Variants in ZNF704 observed in about 807,000 individuals in gnomAD.
The protein encoded by ZNF704 is zinc finger protein 704, also known as glucocorticoid induced gene 1.
Under a neutral mutation model 44.7 loss-of-function variants are expected in ZNF704, and 10 were observed. That is an observed-to-expected ratio of 0.22 (90% CI 0.14 to 0.38). The LOEUF is 0.38. Ranked by LOEUF, ZNF704 falls within the 10% of genes least tolerant of loss-of-function variation. ZNF704 has a pLI of 1.00. For synonymous variants in ZNF704, 211 were observed against 207.6 expected (o/e 1.02, Z -0.14); for missense variants, 390 against 545.5 (o/e 0.71, Z 2.84).
intron 1 of ZNF704, among the ~76,000 whole-genome samples, chr8:80,839,580 G>A (rs1480267830): frequency 2.0e-5 from 3 of 152,162 alleles, no homozygotes; most frequent in Non-Finnish European, 2.9e-5. Context: ...TATCATAAAC[G>A]TAATTCTTTA....
intron 6 of ZNF704, among the ~76,000 whole-genome samples, chr8:80,663,902 G>T (rs956471034): frequency 1.3e-4 from 20 of 151,390 alleles, no homozygotes; most frequent in Non-Finnish European, 2.1e-4. Flanking sequence ...GCTAATTTTT[G>T]TATTTTTTGT....
intron 5 of ZNF704, among the ~76,000 whole-genome samples, chr8:80,670,227 T>A (rs1490272110): frequency 6.6e-6 from 1 of 152,222 alleles, no homozygotes; most frequent in Non-Finnish European, 1.5e-5. Flanking sequence ...GACATTATTA[T>A]AAATTTCCAT....
intron 7 of ZNF704, among the ~76,000 whole-genome samples, chr8:80,657,150 G>A (rs113300738): frequency 3.2e-4 from 49 of 152,264 alleles, no homozygotes; most frequent in African/African-American, 1.1e-3. Context: ...AGAAGGAGGA[G>A]GAGGAGGACA....
chr8:80,692,568 A>T (rs533781825), intron 3 of ZNF704, among the ~76,000 whole-genome samples: 67 of 152,346 alleles, frequency 4.4e-4, no homozygotes, highest in African/African-American at 1.5e-3. Flanking sequence ...AATGACCTAA[A>T]TAATTCTATT....
rs565650037 is a variant in ZNF704 at position 80,636,375 on chromosome 8, A to G, written c.*4991T>C. 21 of 152,352 alleles carry G rather than the reference A, an allele frequency of 1.4e-4. No individual in the cohort carries two copies. In the South Asian group the frequency reaches 4.4e-3, roughly 32 times the overall value. The allele number at this position is 152,352 out of a possible 1,614,324, so 9.4% of individuals were successfully genotyped here. ...GATAGATATACCTTTTAAAGCATGT[A>G]TATCATTGGATATGGGCTTTTTCAA... On this transcript the variant is annotated 3_prime_UTR_variant, in exon 9 of 9. Transcript: ENST00000327835.
At chr8:80,824,498 A>T (rs1325185438) in intron 1 of ZNF704, among the ~76,000 whole-genome samples, 1 of 152,258 alleles carries the variant, frequency 6.6e-6, no homozygotes, top group Non-Finnish European at 1.5e-5. Flanking sequence ...GTTGGAAAAC[A>T]CACTGCAGGA....
chr8:80,768,714 A>T (rs1334119987), intron 2 of ZNF704, among the ~76,000 whole-genome samples: 1 of 152,162 alleles, frequency 6.6e-6, no homozygotes, highest in African/African-American at 2.4e-5. Flanking sequence ...GTCAGCTTAT[A>T]CTAGCTTATG....
chr8:80,707,397 C>T lies in ZNF704; in HGVS notation c.222-14290G>A, dbSNP rs140425297. 5.4e-4 allele frequency among the ~76,000 whole-genome samples: 82 copies of T among 151,824 alleles called. No individual in the cohort carries two copies. The East Asian group carries it at 6.8e-3, about 13-fold the overall frequency. On this transcript the variant is annotated intron_variant, in intron 2 of 8. Transcript: ENST00000327835. ...AGAACATAATATATGGATTATAGGC[C>T]GACTACTCATTTAAAAAGAGTGTTT...
chr8:80,872,226 G>C (rs1032501743), intron 1 of ZNF704, among the ~76,000 whole-genome samples: 6 of 152,140 alleles, frequency 3.9e-5, no homozygotes, highest in Non-Finnish European at 1.5e-5. Context: ...CCATGGTAAT[G>C]AATGTGGTCA....
intron 2 of ZNF704, among the ~76,000 whole-genome samples, chr8:80,784,883 C>A (rs553383206): frequency 6.6e-6 from 1 of 152,274 alleles, no homozygotes; most frequent in Admixed American, 6.5e-5. Context: ...TTTTTTAGAA[C>A]AGTTTTTGAT....
At chr8:80,697,929 C>G (rs1029150250) in intron 2 of ZNF704, among the ~76,000 whole-genome samples, 6 of 152,226 alleles carry the variant, frequency 3.9e-5, no homozygotes, top group Non-Finnish European at 8.8e-5. Flanking sequence ...TCTGTAAGAG[C>G]TGGCAACTGG....
intron 2 of ZNF704, among the ~76,000 whole-genome samples, chr8:80,793,898 A>G (rs1807755230): frequency 6.6e-6 from 1 of 152,310 alleles, no homozygotes; most frequent in East Asian, 1.9e-4. Flanking sequence ...CCACCTTCTC[A>G]TTAGTGGAAG....
rs528192427 is a variant in ZNF704, at chr8:80,672,864, C to T, written c.559-2261G>A. Among the ~76,000 whole-genome samples, 45 of 151,868 alleles carry T rather than the reference C, an allele frequency of 3.0e-4. No individual in the cohort carries two copies. In the South Asian group the frequency reaches 6.3e-3, roughly 21 times the overall value. On this transcript the variant is annotated intron_variant, in intron 4 of 8. Coordinates refer to ENST00000327835, the MANE Select transcript of ZNF704 (RefSeq NM_001033723.3). ...AATTGTATCCCAAACCCCAGCATCA[C>T]GCAATATACCCATGTAACGAACCTG...
Position 80,637,957 on chromosome 8 carries a change from G to C in ZNF704, c.*3409C>G, listed in dbSNP as rs886850171. Reference sequence around the variant, plus strand: ...TTCAGGTCATTCTCTCCTTGCTTCAGGCAGCTGCTCCCAGAGGAGAAAATG... The same window carrying C: ...TTCAGGTCATTCTCTCCTTGCTTCACGCAGCTGCTCCCAGAGGAGAAAATG... On this transcript the variant is annotated 3_prime_UTR_variant, in exon 9 of 9. Transcript: ENST00000327835. 1 of 152,274 alleles carries C rather than the reference G, an allele frequency of 6.6e-6. No individual in the cohort carries two copies. The highest frequency in any genetic ancestry group is 1.5e-5 in the Non-Finnish European group (1 of 68,098). The allele number at this position is 152,274 out of a possible 1,614,324, so 9.4% of individuals were successfully genotyped here. A position where few individuals can be genotyped will look rare whatever the true frequency, so the allele number is the denominator to read the frequency against.
intron 1 of ZNF704, among the ~76,000 whole-genome samples, chr8:80,844,171 C>T (rs1808729428): frequency 6.6e-6 from 1 of 152,052 alleles, no homozygotes; most frequent in Non-Finnish European, 1.5e-5. Flanking sequence ...AATCAGAGGT[C>T]TGGGAAAGCA....
intron 6 of ZNF704, among the ~76,000 whole-genome samples, chr8:80,660,122 G>C (rs1011799081): frequency 2.0e-5 from 3 of 152,052 alleles, no homozygotes; most frequent in Non-Finnish European, 1.5e-5. Context: ...TTCCACTCTA[G>C]GCATTCATTC....
chr8:80,876,119 A>T (rs182508363), upstream of ZNF704, among the ~76,000 whole-genome samples: 123 of 152,298 alleles, frequency 8.1e-4, no homozygotes, highest in Admixed American at 3.0e-3. Flanking sequence ...ACAGTTCTAC[A>T]CACCCATTTT....
At chr8:80,790,922 T>C (rs1173647132) in intron 2 of ZNF704, among the ~76,000 whole-genome samples, 2 of 151,572 alleles carry the variant, frequency 1.3e-5, no homozygotes, top group African/African-American at 4.9e-5. Context: ...ATGAAAACGG[T>C]GGAAGAAAAT....
intron 2 of ZNF704, among the ~76,000 whole-genome samples, chr8:80,693,463 T>A (rs1032098998): frequency 5.9e-5 from 9 of 152,124 alleles, no homozygotes; most frequent in Non-Finnish European, 2.9e-5. Context: ...AACACACTTA[T>A]CAGGAAACAA....
Sources: allele counts gnomAD v4.1 joint callset (sites outside exome capture counted in the v4.1 genomes callset), GRCh38; gene constraint gnomAD v4.1.1; transcripts MANE v1.5; gene names NCBI Gene and HGNC (gene_info 2026-07-23, HGNC 2026-07-21).